The following LMNTD1 variants were observed in gnomAD, a reference collection of about 807,000 sequenced individuals.
LMNTD1 encodes lamin tail domain-containing protein 1.
LMNTD1 carries 35 observed loss-of-function variants against 50.9 expected under a neutral mutation model. That is an observed-to-expected ratio of 0.69 (90% CI 0.53 to 0.91). The LOEUF is 0.91. Ranked by LOEUF, LMNTD1 falls within the 40% of genes least tolerant of loss-of-function variation. The pLI is 0.00. For missense variants in LMNTD1, 470 were observed against 475.5 expected (o/e 0.99, Z 0.11); for synonymous variants, 153 against 161.9 (o/e 0.94, Z 0.42).
At chr12:25,511,523 T>C (rs1565952450) in intron 8 of LMNTD1, among the ~76,000 whole-genome samples, 1 of 152,150 alleles carries the variant, frequency 6.6e-6, no homozygotes, top group East Asian at 1.9e-4. Flanking sequence ...GCCTCATAAA[T>C]CAGAAGTTCA....
intron 9 of LMNTD1, among the ~76,000 whole-genome samples, chr12:25,480,694 A>G (rs1293858565): frequency 6.6e-6 from 1 of 152,226 alleles, no homozygotes; most frequent in Non-Finnish European, 1.5e-5. Context: ...TTTATTTGCC[A>G]GCACCTTATC....
intron 4 of LMNTD1, among the ~76,000 whole-genome samples, chr12:25,532,149 T>C (rs1416506677): frequency 6.6e-6 from 1 of 152,226 alleles, no homozygotes; most frequent in African/African-American, 2.4e-5. Flanking sequence ...TTATCTTTTG[T>C]ATACGTTGTT....
chr12:25,478,560 G>A (rs1017960250), intron 9 of LMNTD1, among the ~76,000 whole-genome samples: 18 of 152,118 alleles, frequency 1.2e-4, no homozygotes, highest in African/African-American at 4.3e-4. Flanking sequence ...CGAGGTGGGC[G>A]AATCACCTGA....
intron 8 of LMNTD1, among the ~76,000 whole-genome samples, chr12:25,515,648 C>A (rs990619769): frequency 6.6e-6 from 1 of 151,994 alleles, no homozygotes; most frequent in Non-Finnish European, 1.5e-5. Context: ...GTGCTTTTAA[C>A]ATTATACTTG....
chr12:25,532,418 C>A (rs1024735539), intron 4 of LMNTD1, among the ~76,000 whole-genome samples: 6 of 151,970 alleles, frequency 3.9e-5, no homozygotes, highest in Admixed American at 1.3e-4. Context: ...TTTTTATAGG[C>A]CCTAAATGCC....
At chr12:25,534,116 C>T (rs1329590487) in intron 4 of LMNTD1, among the ~76,000 whole-genome samples, 1 of 152,134 alleles carries the variant, frequency 6.6e-6, no homozygotes, top group African/African-American at 2.4e-5. Context: ...AATAATGTCT[C>T]TACTTTGTTT....
In LMNTD1 at chr12:25,517,182, A is replaced by G. The variant is rs1940859117; in HGVS notation, c.1189+1613T>C. On this transcript the variant is annotated intron_variant, in intron 8 of 9. Transcript: ENST00000458174. ...TCAGGGATCTAGAACTAGAAATACC[A>G]TTTGACCCAGCCTCCCATTACTGGG... Among the ~76,000 whole-genome samples, 2 of 59,668 alleles carry G rather than the reference A, an allele frequency of 3.4e-5. 1 individual carries two copies. Among genetic ancestry groups the G allele is most frequent in the South Asian group, 1.2e-3 (2 of 1,638 alleles). The allele number at this position is 59,668 out of a possible 152,430, so 39.1% of individuals were successfully genotyped here.
intron 8 of LMNTD1, among the ~76,000 whole-genome samples, chr12:25,504,247 A>G (rs7974815): frequency 0.17 from 25,869 of 152,158 alleles, 2,452 homozygotes; most frequent in East Asian, 0.31. Flanking sequence ...AGGGAGGTCC[A>G]GCAATTGGCT....
intron 9 of LMNTD1, chr12:25,497,661 G>A (rs1031423277): frequency 1.3e-5 from 2 of 152,086 alleles, no homozygotes; most frequent in African/African-American, 4.8e-5. Context: ...AGCCATGCAG[G>A]GTGGCGGATG....
intron 1 of LMNTD1, among the ~76,000 whole-genome samples, chr12:25,569,042 T>C (rs1361738851): frequency 6.6e-6 from 1 of 152,230 alleles, no homozygotes; most frequent in Non-Finnish European, 1.5e-5. Flanking sequence ...TGATGCCCTC[T>C]AGACCCCAGA....
chr12:25,648,321 C>A (rs1565537197), intron 1 of LMNTD1, among the ~76,000 whole-genome samples: 2 of 152,296 alleles, frequency 1.3e-5, no homozygotes, highest in East Asian at 3.9e-4. Flanking sequence ...CATCTCAATT[C>A]ATGCCATTTT....
At chr12:25,593,457 G>T (rs1449905204) in intron 1 of LMNTD1, among the ~76,000 whole-genome samples, 2 of 152,118 alleles carry the variant, frequency 1.3e-5, no homozygotes, top group Non-Finnish European at 2.9e-5. Context: ...CCAGAAGAGA[G>T]ATAACAGTCA....
At chr12:25,551,421 T>C (rs1943738535) in intron 2 of LMNTD1, among the ~76,000 whole-genome samples, 1 of 152,090 alleles carries the variant, frequency 6.6e-6, no homozygotes, top group Non-Finnish European at 1.5e-5. Flanking sequence ...ACAGGGTCTC[T>C]CTCTGTCATC....
chr12:25,644,327 A>AAAT (rs1266286848), intron 1 of LMNTD1, among the ~76,000 whole-genome samples: 4 of 151,294 alleles, frequency 2.6e-5, no homozygotes, highest in Non-Finnish European at 5.9e-5. Context: ...AAAAAAAAAA[A>AAAT]AAAAAAAATT....
At chr12:25,493,013 T>C (rs1018991228) in intron 9 of LMNTD1, among the ~76,000 whole-genome samples, 2 of 152,164 alleles carry the variant, frequency 1.3e-5, no homozygotes, top group African/African-American at 4.8e-5. Flanking sequence ...CTTCCTTTTC[T>C]CCATTAGCCT....
At chr12:25,610,686 G>T (rs960472256) in intron 1 of LMNTD1, among the ~76,000 whole-genome samples, 1 of 152,120 alleles carries the variant, frequency 6.6e-6, no homozygotes, top group Non-Finnish European at 1.5e-5. Context: ...AAGTGGAGGG[G>T]ACCCAAGGGG....
At chr12:25,591,854 A>AGAGAGAGAGAGG (rs1246172417) in intron 1 of LMNTD1, among the ~76,000 whole-genome samples, 26 of 147,922 alleles carry the variant, frequency 1.8e-4, no homozygotes, top group Non-Finnish European at 3.0e-5. Flanking sequence ...AGAGAGAGAG[A>AGAGAGAGAGAGG]GAGACTCTAT....
chr12:25,506,613 T>C (rs751333242), intron 8 of LMNTD1, among the ~76,000 whole-genome samples: 1 of 151,732 alleles, frequency 6.6e-6, no homozygotes, highest in Non-Finnish European at 1.5e-5. Context: ...GGCAACACAA[T>C]GTAAACTTAT....
At chr12:25,631,763 C>T (rs1252292796) in intron 1 of LMNTD1, among the ~76,000 whole-genome samples, 1 of 152,138 alleles carries the variant, frequency 6.6e-6, no homozygotes, top group Admixed American at 6.5e-5. Context: ...CCAAAAATCA[C>T]ACTAGTTCAT....
Sources: gnomAD v4.1 joint callset for allele counts (sites outside exome capture counted in the v4.1 genomes callset) on GRCh38, gnomAD v4.1.1 for gene constraint, MANE v1.5 for transcripts, NCBI Gene and HGNC (gene_info 2026-07-23, HGNC 2026-07-21) for gene names.